Variants in CCNB1IP1 observed in about 807,000 individuals in gnomAD.
CCNB1IP1 encodes E3 ubiquitin-protein ligase CCNB1IP1.
In CCNB1IP1, 14 loss-of-function variants were observed where a neutral mutation model predicts 25.6. The observed-to-expected ratio is 0.55, with a 90% CI of 0.36 to 0.85. The LOEUF (loss-of-function observed/expected upper bound fraction) is 0.85. Ranked by LOEUF, CCNB1IP1 falls within the 40% of genes least tolerant of loss-of-function variation. The probability of loss-of-function intolerance (pLI) is 0.01; values close to 1 mark genes in which losing one functional copy is unlikely to be tolerated. For missense variants in CCNB1IP1, 278 were observed against 342.4 expected, an observed-to-expected ratio of 0.81 and a Z score of 1.48; for synonymous variants, 119 against 116.1, an observed-to-expected ratio of 1.02 and a Z score of -0.16.
chr14:20,316,138 T>A, intron 5 of CCNB1IP1, 89 bp downstream of exon 5: 1 of 1,156,878 alleles, frequency 8.6e-7, no homozygotes, highest in Non-Finnish European at 1.2e-6. Flanking sequence ...TCATAAAAAA[T>A]TAATAATAAT....
rs75758311 is a variant in CCNB1IP1 at position 20,330,250 on chromosome 14, G to A, written c.-430-877C>T. Among the ~76,000 whole-genome samples the A allele has an allele frequency of 3.3e-5, 5 of 152,146 alleles. No homozygotes were observed. The East Asian group carries it at 7.7e-4, about 23-fold the overall frequency. On this transcript the variant is annotated intron_variant, in intron 1 of 6. Coordinates refer to ENST00000358932, the MANE Select transcript of CCNB1IP1 (RefSeq NM_021178.5). ...CTTATAAGTGGGAGCTAAATCTTGC[G>A]TTGGGAGCTAAATCTTGCGTAGGGA...
At chr14:20,312,073 T>C (rs1882508527) in intron 6 of CCNB1IP1, among the ~76,000 whole-genome samples, 1 of 152,164 alleles carries the variant, frequency 6.6e-6, no homozygotes, top group South Asian at 2.1e-4. Context: ...CTTCCTTGGC[T>C]TTTACAGGTT....
chr14:20,323,950 A>G (rs901525845), intron 4 of CCNB1IP1, among the ~76,000 whole-genome samples: 5 of 151,240 alleles, frequency 3.3e-5, no homozygotes, highest in African/African-American at 4.9e-5. Context: ...AGTAAGAACT[A>G]GAAGAGATCA....
intron 4 of CCNB1IP1, among the ~76,000 whole-genome samples, chr14:20,323,660 G>A (rs549473272): frequency 9.2e-5 from 14 of 152,170 alleles, no homozygotes; most frequent in African/African-American, 3.4e-4. Flanking sequence ...CGGGCGTGGT[G>A]GCTCACGCCT....
chr14:20,313,574 T>C lies in CCNB1IP1; in HGVS notation c.525A>G (p.Gln175=). ...GTAGCCTAAGGCTATCATAGAGGCC[T>C]TGGAGCTTTTGATACTGACGATTGC... ...MERNRQYQKL[Q]GLYDSLRLRN... Residue 175 remains glutamine, a synonymous_variant, in exon 6 of 7, where the codon CAA becomes CAG. Coordinates refer to ENST00000358932, the MANE Select transcript of CCNB1IP1 (RefSeq NM_021178.5). 6.2e-7 allele frequency: 1 copy of C among 1,614,224 alleles called. No individual in the cohort carries two copies. Among genetic ancestry groups the C allele is most frequent in the Non-Finnish European group, 8.5e-7 (1 of 1,180,024 alleles).
At chr14:20,324,210 G>A (rs988214041) in intron 4 of CCNB1IP1, among the ~76,000 whole-genome samples, 1 of 151,948 alleles carries the variant, frequency 6.6e-6, no homozygotes, top group African/African-American at 2.4e-5. Context: ...TTTCTGAGAC[G>A]AAGTCTAGCT....
intron 6 of CCNB1IP1, among the ~76,000 whole-genome samples, chr14:20,312,914 AC>A (rs1030583073): frequency 2.0e-5 from 3 of 152,136 alleles, no homozygotes; most frequent in Non-Finnish European, 4.4e-5. Flanking sequence ...AAACAACCAA[AC>A]TGACAACTTA....
In CCNB1IP1 at chr14:20,331,981, AT is replaced by A. The variant is rs571283462; in HGVS notation, c.-431+1272del. 1.5e-3 allele frequency among the ~76,000 whole-genome samples: 217 copies of A among 140,558 alleles called. 1 individual carries two copies. Among genetic ancestry groups the A allele is most frequent in the Non-Finnish European group, 2.4e-3 (157 of 65,736 alleles). The allele number at this position is 140,558 out of a possible 152,430, so 92.2% of individuals were successfully genotyped here. On this transcript the variant is annotated intron_variant, in intron 1 of 6. Transcript: ENST00000358932. ...ATGTGAATGTATTACCTATTCAAAAATATATATATATATGATGTGTATACAT... is the reference window on the plus strand; with the variant it reads ...ATGTGAATGTATTACCTATTCAAAAAATATATATATATGATGTGTATACAT...
At chr14:20,332,027 T>TATATATATATATA (rs1555314508) in intron 1 of CCNB1IP1, among the ~76,000 whole-genome samples, 6 of 33,646 alleles carry the variant, frequency 1.8e-4, no homozygotes, top group Non-Finnish European at 2.7e-4. Context: ...TATATATATA[T>TATATATATATATA]TTTTTTTTTT....
intron 4 of CCNB1IP1, chr14:20,320,449 T>A (rs962459655): frequency 5.4e-6 from 2 of 367,688 alleles, no homozygotes; most frequent in Non-Finnish European, 1.1e-5. Context: ...TAGAAATGTA[T>A]TTCATTTGCT....
rs374924906 is a variant in CCNB1IP1 at position 20,323,700 on chromosome 14, G to A, written c.-38+1839C>T. Reference sequence around the variant, plus strand: ...TCCCAGCACTTTGGGAGGCCGAGGCGGGTGGATCATGAGGTCAGAAGATCG... The same window carrying A: ...TCCCAGCACTTTGGGAGGCCGAGGCAGGTGGATCATGAGGTCAGAAGATCG... On this transcript the variant is annotated intron_variant, in intron 4 of 6. Coordinates refer to ENST00000358932, the MANE Select transcript of CCNB1IP1 (RefSeq NM_021178.5). 1.7e-4 allele frequency among the ~76,000 whole-genome samples: 26 copies of A among 151,904 alleles called. No individual in the cohort carries two copies. In the South Asian group the frequency reaches 4.2e-3, roughly 24 times the overall value.
intron 1 of CCNB1IP1, among the ~76,000 whole-genome samples, chr14:20,332,026 A>ATATATATATTTTT (rs59034398): frequency 4.9e-5 from 2 of 40,750 alleles, no homozygotes; most frequent in African/African-American, 1.7e-4. Flanking sequence ...ATATATATAT[A>ATATATATATTTTT]TTTTTTTTTT....
chr14:20,313,801 C>G lies in CCNB1IP1; in HGVS notation c.298G>C (p.Val100Leu). ...SRALAFWTYQ[V>L]HQERLYQEYN... ...TCTTGATAGAGACGTTCCTGATGTACCTGGTTCCAAAAGAAAAAAGATTTT... is the reference window on the plus strand; with the variant it reads ...TCTTGATAGAGACGTTCCTGATGTAGCTGGTTCCAAAAGAAAAAAGATTTT... Residue 100 changes from valine to leucine, a missense_variant and splice_region_variant, in exon 6 of 7, where the codon GTA (valine) becomes CTA (leucine). Physicochemically the swap from Val to Leu is conservative, Grantham distance 32 (BLOSUM62 1). Coordinates refer to ENST00000358932, the MANE Select transcript of CCNB1IP1 (RefSeq NM_021178.5). The G allele has an allele frequency of 6.5e-7, 1 of 1,544,958 alleles. No homozygotes were observed. The highest frequency in any genetic ancestry group is 1.3e-5 in the South Asian group (1 of 79,592).
At chr14:20,330,971 CTTA>C (rs1465811416) in intron 1 of CCNB1IP1, 1 of 152,134 alleles carries the variant, frequency 6.6e-6, no homozygotes, top group Non-Finnish European at 1.5e-5. Flanking sequence ...ATTATGAAGT[CTTA>C]TTAACAAAAG....
intron 4 of CCNB1IP1, among the ~76,000 whole-genome samples, chr14:20,321,071 G>C (rs943544404): frequency 2.0e-5 from 3 of 150,144 alleles, no homozygotes; most frequent in Admixed American, 1.3e-4. Context: ...CTGGAAGGCG[G>C]GTTTGCAGTG....
chr14:20,322,674 G>T (rs911391057), intron 4 of CCNB1IP1, among the ~76,000 whole-genome samples: 15 of 149,418 alleles, frequency 1.0e-4, no homozygotes, highest in African/African-American at 1.5e-4. Flanking sequence ...CCAGGCTGGA[G>T]TGCAGTGGCA....
At chr14:20,315,595 C>T (rs760620277) in intron 5 of CCNB1IP1, 26 of 1,285,776 alleles carry the variant, frequency 2.0e-5, no homozygotes, top group Non-Finnish European at 2.6e-5. Context: ...AAGTCATCCA[C>T]AGGGAGGTCT....
At chr14:20,316,831 GGCTCAGTGGCTCAAGCGTACAATCCCA>G in intron 4 of CCNB1IP1, among the ~76,000 whole-genome samples, 1 of 152,340 alleles carries the variant, frequency 6.6e-6, no homozygotes, top group South Asian at 2.1e-4. Flanking sequence ...ACGTGGGCCA[GGCTCAGTGGCTCAAGCGTACAATCCCA>G]GCACTTTGGG....
chr14:20,324,507 T>C (rs1323210627), intron 4 of CCNB1IP1, among the ~76,000 whole-genome samples: 2 of 152,106 alleles, frequency 1.3e-5, no homozygotes, highest in Non-Finnish European at 2.9e-5. Flanking sequence ...TTTTCGTCAA[T>C]CTATTATGCA....
Sources: allele counts gnomAD v4.1 joint callset (sites outside exome capture counted in the v4.1 genomes callset), GRCh38; gene constraint gnomAD v4.1.1; transcripts MANE v1.5; gene names NCBI Gene and HGNC (gene_info 2026-07-23, HGNC 2026-07-21).